Variants in LY75 observed in about 807,000 individuals in gnomAD.
LY75 encodes C-type lectin domain family 13 member B.
Under a neutral mutation model 231.7 loss-of-function variants are expected in LY75, and 185 were observed. The ratio of observed to expected loss-of-function variants is 0.80; its 90% CI spans 0.71 to 0.90. The LOEUF is 0.90. Among genes scored for constraint, LY75 ranks in the 40% least tolerant of loss-of-function variants. LY75 has a pLI of 0.00. For missense variants in LY75, 1,947 were observed against 2,050.2 expected, an observed-to-expected ratio of 0.95 and a Z score of 0.97; for synonymous variants, 668 against 689.0, an observed-to-expected ratio of 0.97 and a Z score of 0.48.
chr2:159,874,814 T>TTATGTAAATATATATATTTTGTAAATA (rs1685196670), intron 12 of LY75, among the ~76,000 whole-genome samples: 1 of 42,446 alleles, frequency 2.4e-5, no homozygotes, highest in African/African-American at 6.7e-5. Context: ...TTTTGTAAAT[T>TTATGTAAATATATATATTTTGTAAATA]TATGTAAATA....
intron 6 of LY75, among the ~76,000 whole-genome samples, chr2:159,884,192 T>C (rs981169662): frequency 6.6e-6 from 1 of 152,200 alleles, no homozygotes; most frequent in Admixed American, 6.5e-5. Context: ...TCGGCCATGA[T>C]TGTGAGACCT....
intron 12 of LY75, among the ~76,000 whole-genome samples, chr2:159,874,843 ATGTAAATATATATATATTT>A (rs1472313474): frequency 8.5e-5 from 2 of 23,422 alleles, no homozygotes; most frequent in Non-Finnish European, 5.8e-4. Flanking sequence ...TTGTAAATAT[ATGTAAATATATATATATTT>A]TGTAAATATA....
intron 18 of LY75, 51 bp from the exon 19 acceptor site, chr2:159,853,748 G>C: frequency 6.2e-7 from 1 of 1,609,298 alleles, no homozygotes; most frequent in Non-Finnish European, 8.5e-7. Flanking sequence ...CTTTCTTGAG[G>C]GTTTTGATTC....
Position 159,878,640 on chromosome 2 carries a change from T to C in LY75, c.1597A>G (p.Thr533Ala). ...GTTTACTGATGGTCACACCTGCTAG[T>C]GATAGTCAGATTGCAGTTTGTTCCA... ...PFGTNCNLTITSRFEQEYLND... is the reference protein window; with the variant it reads ...PFGTNCNLTIASRFEQEYLND... The change falls in exon 10 of 35, where the codon ACT becomes GCT. Residue 533 changes from threonine to alanine, a missense_variant. Coordinates refer to ENST00000263636, the MANE Select transcript of LY75 (RefSeq NM_002349.4). The C allele has an allele frequency of 6.2e-7, 1 of 1,614,030 alleles. No homozygotes were observed. The highest frequency in any genetic ancestry group is 8.5e-7 in the Non-Finnish European group (1 of 1,179,962).
At chr2:159,818,287 C>T (rs1159454592) in intron 29 of LY75, among the ~76,000 whole-genome samples, 1 of 152,014 alleles carries the variant, frequency 6.6e-6, no homozygotes, top group Non-Finnish European at 1.5e-5. Flanking sequence ...CAAACACTAC[C>T]TTGGGCCAGG....
intron 30 of LY75, among the ~76,000 whole-genome samples, chr2:159,816,233 G>T (rs1683116887): frequency 6.6e-6 from 1 of 152,148 alleles, no homozygotes; most frequent in Non-Finnish European, 1.5e-5. Flanking sequence ...TAAATAATAT[G>T]ATTCAAATAG....
rs1012365265 is a variant in LY75, at chr2:159,893,762, A to G, written c.637+152T>C. The G allele has an allele frequency of 1.6e-5, 18 of 1,151,594 alleles. No individual in the cohort carries two copies. In the Admixed American group the frequency reaches 2.0e-4, roughly 13 times the overall value. The allele number at this position is 1,151,594 out of a possible 1,614,324, so 71.3% of individuals were successfully genotyped here. Reference sequence around the variant, plus strand: ...CTTCTGAAGGCAAATTCATGGCTACACATTACCTCTCTCTTCTCCTCCAAA... The same window carrying G: ...CTTCTGAAGGCAAATTCATGGCTACGCATTACCTCTCTCTTCTCCTCCAAA... On this transcript the variant is annotated intron_variant, in intron 3 of 34. Coordinates refer to ENST00000263636, the MANE Select transcript of LY75 (RefSeq NM_002349.4).
intron 13 of LY75, chr2:159,871,867 T>C (rs1459594004): frequency 6.6e-6 from 1 of 152,274 alleles, no homozygotes; most frequent in African/African-American, 2.4e-5. Flanking sequence ...GCACCTTGTT[T>C]TTGTTTTTTG....
chr2:159,836,803 G>A (rs945652432), intron 25 of LY75, among the ~76,000 whole-genome samples: 5 of 152,142 alleles, frequency 3.3e-5, no homozygotes, highest in African/African-American at 7.2e-5. Context: ...TCGGCCATGC[G>A]ACTTTGCCTG....
At chr2:159,825,198 G>T (rs1325010220) in intron 28 of LY75, among the ~76,000 whole-genome samples, 1 of 152,032 alleles carries the variant, frequency 6.6e-6, no homozygotes, top group African/African-American at 2.4e-5. Context: ...GAATAAAATA[G>T]ATAGACCACT....
In LY75 at chr2:159,846,935, C is replaced by T. The variant is rs527500369; in HGVS notation, c.3150+3045G>A. ...AATCAGAGAAAGATCAATGAAAATA[C>T]GATATCAAACTACCAAATTAAGAAG... On this transcript the variant is annotated intron_variant, in intron 23 of 34. Transcript: ENST00000263636. 2.6e-5 allele frequency among the ~76,000 whole-genome samples: 4 copies of T among 152,228 alleles called. No individual in the cohort carries two copies. In the South Asian group the frequency reaches 6.2e-4, roughly 24 times the overall value.
At position 159,807,059 on chromosome 2, in the gene LY75, C is replaced by A; in HGVS notation, c.4904G>T (p.Cys1635Phe). The A allele has an allele frequency of 6.2e-7, 1 of 1,613,934 alleles. No individual in the cohort carries two copies. Among genetic ancestry groups the A allele is most frequent in the South Asian group, 1.1e-5 (1 of 91,018 alleles). Residue 1635 changes from cysteine to phenylalanine, a missense_variant, in exon 34 of 35, where the codon TGT becomes TTT. Cys to Phe is a radical substitution (Grantham distance 205). Coordinates refer to ENST00000263636, the MANE Select transcript of LY75 (RefSeq NM_002349.4). ...TTCATTTGAAGCTATCAACATGCTACATCTTCCAACACCACTCTTACTTTT... is the reference window on the plus strand; with the variant it reads ...TTCATTTGAAGCTATCAACATGCTAAATCTTCCAACACCACTCTTACTTTT... ...ENKSKSGVGR[C>F]SMLIASNETW... is the part of the protein sequence containing the mutation.
chr2:159,878,348 A>G lies in LY75; in HGVS notation c.1750T>C (p.Ser584Pro), dbSNP rs1685332628. ...VGGRRRAVTF[S>P]NWNFLEPASP... is the part of the protein sequence containing the mutation. The stretch of plus-strand genomic sequence containing the variant: ...CCTGGCTCAAGAAAATTCCAGTTGG[A>G]AAAGGTTACAGCCCGCCTTCTTCCA... Residue 584 changes from serine (S) to proline (P), a missense_variant, in exon 11 of 35, where the codon TCC becomes CCC. Transcript: ENST00000263636. 2 of 1,613,894 alleles carry G rather than the reference A, an allele frequency of 1.2e-6. No individual in the cohort carries two copies. The highest frequency in any genetic ancestry group is 1.7e-6 in the Non-Finnish European group (2 of 1,179,912).
At chr2:159,848,072 A>G (rs1442360626) in intron 23 of LY75, among the ~76,000 whole-genome samples, 2 of 116,902 alleles carry the variant, frequency 1.7e-5, no homozygotes, top group African/African-American at 3.8e-5. Flanking sequence ...TGGTGTGTAT[A>G]TATATATATA....
intron 6 of LY75, 36 bp downstream of exon 6, chr2:159,885,116 CT>C: frequency 1.3e-6 from 2 of 1,589,808 alleles, no homozygotes; most frequent in Admixed American, 1.8e-5. Context: ...ATTTTAAGAC[CT>C]ATTTGTCTAT....
chr2:159,863,332 T>C (rs1441434761), intron 14 of LY75, among the ~76,000 whole-genome samples: 1 of 152,214 alleles, frequency 6.6e-6, no homozygotes, highest in African/African-American at 2.4e-5. Context: ...GTGGGATTGC[T>C]GTTCATGTGG....
At chr2:159,859,864 T>C (rs1445220701) in intron 15 of LY75, among the ~76,000 whole-genome samples, 1 of 152,182 alleles carries the variant, frequency 6.6e-6, no homozygotes, top group East Asian at 1.9e-4. Flanking sequence ...AGTTAATCAG[T>C]GTTAGCTGCT....
intron 29 of LY75, among the ~76,000 whole-genome samples, chr2:159,819,451 C>T (rs1683220508): frequency 6.6e-6 from 1 of 151,848 alleles, no homozygotes; most frequent in East Asian, 1.9e-4. Flanking sequence ...TTTTGACTTC[C>T]CCACAATTTA....
rs941425407 is a variant in LY75 at position 159,852,607 on chromosome 2, C to G, written c.2744-267G>C. ...CTAATTTTTGTATTTTTAGTAGAGACAGGGATTCACCACGTTGGCCAGGCT... is the reference window on the plus strand; with the variant it reads ...CTAATTTTTGTATTTTTAGTAGAGAGAGGGATTCACCACGTTGGCCAGGCT... On this transcript the variant is annotated intron_variant, in intron 20 of 34. Coordinates refer to ENST00000263636, the MANE Select transcript of LY75 (RefSeq NM_002349.4). Among the ~76,000 whole-genome samples the G allele has an allele frequency of 5.3e-5, 8 of 151,944 alleles. No individual in the cohort carries two copies. The South Asian group carries it at 1.7e-3, about 32-fold the overall frequency.
Sources: gnomAD v4.1 joint callset for allele counts (sites outside exome capture counted in the v4.1 genomes callset) on GRCh38, gnomAD v4.1.1 for gene constraint, MANE v1.5 for transcripts, NCBI Gene and HGNC (gene_info 2026-07-23, HGNC 2026-07-21) for gene names.